GRID2: variants seen among roughly 807,000 people sequenced by gnomAD.
GRID2 encodes glutamate ionotropic receptor delta type subunit 2.
GRID2 carries 33 observed loss-of-function variants against 114.8 expected under a neutral mutation model. The observed-to-expected ratio is 0.29, with a 90% CI of 0.22 to 0.38. The LOEUF is 0.38. GRID2 is among the 10% of genes least tolerant of loss of function. GRID2 has a pLI of 1.00. For synonymous variants in GRID2, 505 were observed against 449.9 expected (o/e 1.12, Z -1.55); for missense variants, 1,184 against 1,257.7 (o/e 0.94, Z 0.89).
intron 12 of GRID2, among the ~76,000 whole-genome samples, chr4:93,496,218 T>A (rs1490140730): frequency 6.6e-6 from 1 of 151,738 alleles, no homozygotes; most frequent in Admixed American, 6.6e-5. Context: ...CATGGGGCAG[T>A]AAGTTCTGTT....
chr4:93,025,136 G>C (rs930326068), intron 2 of GRID2, among the ~76,000 whole-genome samples: 1 of 151,112 alleles, frequency 6.6e-6, no homozygotes, highest in Non-Finnish European at 1.5e-5. Context: ...GGGAGGGAGA[G>C]AGGTAAAGAG....
At chr4:92,808,381 A>C (rs1204980273) in intron 2 of GRID2, among the ~76,000 whole-genome samples, 1 of 152,080 alleles carries the variant, frequency 6.6e-6, no homozygotes, top group Non-Finnish European at 1.5e-5. Context: ...GGTACCAATA[A>C]GGTGTAAATT....
At chr4:92,493,581 C>T (rs1723249723) in intron 1 of GRID2, among the ~76,000 whole-genome samples, 2 of 152,162 alleles carry the variant, frequency 1.3e-5, no homozygotes, top group African/African-American at 4.8e-5. Flanking sequence ...GCATCACTCA[C>T]ATTTCTATCC....
rs952638242 is a variant in GRID2 at position 93,416,987 on chromosome 4, G to A, written c.1348-5784G>A. On this transcript the variant is annotated intron_variant, in intron 9 of 15. Transcript: ENST00000282020. Reference sequence around the variant, plus strand: ...AGAGCATCTGTCATGCAAATGATCAGCAAATCATAACCTGTAATTTGTTTT... The same window carrying A: ...AGAGCATCTGTCATGCAAATGATCAACAAATCATAACCTGTAATTTGTTTT... Among the ~76,000 whole-genome samples the A allele has an allele frequency of 1.1e-4, 17 of 152,158 alleles. 1 individual carries two copies. Among genetic ancestry groups the A allele is most frequent in the Admixed American group, 8.5e-4 (13 of 15,268 alleles).
intron 1 of GRID2, among the ~76,000 whole-genome samples, chr4:93,783,741 C>T (rs1305201935): frequency 2.0e-5 from 3 of 152,232 alleles, no homozygotes; most frequent in African/African-American, 7.2e-5. Context: ...CAGTCTTCTC[C>T]CCTCTTGCTT....
At chr4:92,953,215 G>A (rs1438932252) in intron 2 of GRID2, among the ~76,000 whole-genome samples, 1 of 152,162 alleles carries the variant, frequency 6.6e-6, no homozygotes, top group Non-Finnish European at 1.5e-5. Context: ...TATATTTTGA[G>A]TTTGGGGAAG....
intron 14 of GRID2, among the ~76,000 whole-genome samples, chr4:93,645,253 A>T (rs1407431052): frequency 6.6e-6 from 1 of 152,222 alleles, no homozygotes; most frequent in Non-Finnish European, 1.5e-5. Context: ...AGAGATCAAG[A>T]AGTCATTAAC....
At chr4:93,777,874 A>T (rs189721808), downstream of GRID2, among the ~76,000 whole-genome samples, 60 of 152,340 alleles carry the variant, frequency 3.9e-4, no homozygotes, top group African/African-American at 1.4e-3. Flanking sequence ...ATATTTTATT[A>T]TTAAATTGCT....
At chr4:93,311,679 G>A (rs1357659190) in intron 8 of GRID2, among the ~76,000 whole-genome samples, 1 of 152,198 alleles carries the variant, frequency 6.6e-6, no homozygotes, top group East Asian at 1.9e-4. Flanking sequence ...TGGCAGACGA[G>A]CATTCAGTGG....
At chr4:92,386,826 G>A (rs1298425223) in intron 1 of GRID2, among the ~76,000 whole-genome samples, 1 of 151,718 alleles carries the variant, frequency 6.6e-6, no homozygotes, top group Non-Finnish European at 1.5e-5. Context: ...AGAAAAACAG[G>A]CAATGCTATG....
intron 13 of GRID2, among the ~76,000 whole-genome samples, chr4:93,575,910 C>T (rs896741031): frequency 6.6e-6 from 1 of 152,068 alleles, no homozygotes; most frequent in African/African-American, 2.4e-5. Flanking sequence ...TATTTTTGGG[C>T]ATTGGTGTTT....
At chr4:93,679,780 G>C (rs1725319055) in intron 14 of GRID2, among the ~76,000 whole-genome samples, 1 of 150,886 alleles carries the variant, frequency 6.6e-6, no homozygotes, top group Admixed American at 6.6e-5. Context: ...TTAAAGCAGT[G>C]TGTAGAGGGA....
chr4:92,756,391 G>T (rs1016406649), intron 2 of GRID2, among the ~76,000 whole-genome samples: 1 of 152,060 alleles, frequency 6.6e-6, no homozygotes, highest in Admixed American at 6.6e-5. Context: ...GCGTAGTGCC[G>T]CAATAAACAT....
At chr4:92,448,197 A>ACTC (rs145566312) in intron 1 of GRID2, among the ~76,000 whole-genome samples, 2,511 of 151,430 alleles carry the variant, frequency 0.017, 77 homozygotes, top group African/African-American at 0.058. Flanking sequence ...AGACAGTCTC[A>ACTC]CTCTGTCACC....
intron 4 of GRID2, among the ~76,000 whole-genome samples, chr4:93,181,226 A>C (rs1210021407): frequency 6.6e-6 from 1 of 152,160 alleles, no homozygotes; most frequent in East Asian, 1.9e-4. Flanking sequence ...TGGGGTGACC[A>C]AGTGTGTTGT....
At chr4:93,238,063 A>G (rs990018117) in intron 7 of GRID2, among the ~76,000 whole-genome samples, 3 of 151,808 alleles carry the variant, frequency 2.0e-5, no homozygotes, top group African/African-American at 7.2e-5. Flanking sequence ...TATGGTGGCA[A>G]AAACTTGAGC....
chr4:93,315,180 C>G (rs1756454573), intron 8 of GRID2, among the ~76,000 whole-genome samples: 2 of 152,066 alleles, frequency 1.3e-5, no homozygotes, highest in Non-Finnish European at 1.5e-5. Context: ...CTCACCATCA[C>G]AAGAACAGCA....
At chr4:92,416,105 G>GA (rs1293437155) in intron 1 of GRID2, among the ~76,000 whole-genome samples, 2 of 151,866 alleles carry the variant, frequency 1.3e-5, no homozygotes, top group Admixed American at 1.3e-4. Flanking sequence ...ATTCTTGCAG[G>GA]AAAAAGTTGG....
chr4:92,494,180 T>C lies in GRID2; in HGVS notation c.89-95951T>C, dbSNP rs539473535. Reference sequence around the variant, plus strand: ...TTTTCTTCCCCATAAAACTCTATTATGTTGATGTGAACATATATTTGTGTC... The same window carrying C: ...TTTTCTTCCCCATAAAACTCTATTACGTTGATGTGAACATATATTTGTGTC... On this transcript the variant is annotated intron_variant, in intron 1 of 15. Coordinates refer to ENST00000282020, the MANE Select transcript of GRID2 (RefSeq NM_001510.4). Among the ~76,000 whole-genome samples the C allele has an allele frequency of 3.3e-5, 5 of 152,258 alleles. No individual in the cohort carries two copies. In the East Asian group the frequency reaches 9.7e-4, roughly 29 times the overall value.
Sources: gnomAD v4.1 joint callset for allele counts (sites outside exome capture counted in the v4.1 genomes callset) on GRCh38, gnomAD v4.1.1 for gene constraint, MANE v1.5 for transcripts, NCBI Gene and HGNC (gene_info 2026-07-23, HGNC 2026-07-21) for gene names.